Variants in VPS54 observed in about 807,000 individuals in gnomAD.
VPS54 encodes the protein VPS54 subunit of GARP complex.
Under a neutral mutation model 121.5 loss-of-function variants are expected in VPS54, and 45 were observed. The ratio of observed to expected loss-of-function variants is 0.37; its 90% confidence interval spans 0.29 to 0.47. The LOEUF is 0.47. VPS54 is among the 20% of genes least tolerant of loss of function. The pLI is 0.99. For synonymous variants in VPS54, 371 were observed against 385.8 expected, an observed-to-expected ratio of 0.96 and a Z score of 0.45; for missense variants, 1,090 against 1,131.4, an observed-to-expected ratio of 0.96 and a Z score of 0.52.
At chr2:63,983,574 C>CT (rs1676898457) in intron 2 of VPS54, among the ~76,000 whole-genome samples, 1 of 151,396 alleles carries the variant, frequency 6.6e-6, no homozygotes, top group South Asian at 2.1e-4. Flanking sequence ...TCCAGAGTAG[C>CT]TGAGACTACA....
chr2:63,996,140 G>C (rs1249077743), intron 1 of VPS54, among the ~76,000 whole-genome samples: 3 of 152,216 alleles, frequency 2.0e-5, no homozygotes, highest in Non-Finnish European at 1.5e-5. Flanking sequence ...GATGTTGCAG[G>C]AAGTCAGGGA....
chr2:63,917,565 G>C (rs182945673), intron 15 of VPS54, among the ~76,000 whole-genome samples: 2 of 152,062 alleles, frequency 1.3e-5, no homozygotes. Flanking sequence ...TTTTATCCTG[G>C]ACACGCCAAA....
chr2:63,921,708 C>G (rs1673655446), intron 12 of VPS54, among the ~76,000 whole-genome samples: 1 of 152,022 alleles, frequency 6.6e-6, no homozygotes, highest in Non-Finnish European at 1.5e-5. Flanking sequence ...TCAAATATCC[C>G]TGGCCTCAAG....
At chr2:63,990,265 C>T (rs140631112) in intron 1 of VPS54, among the ~76,000 whole-genome samples, 72 of 152,108 alleles carry the variant, frequency 4.7e-4, no homozygotes, top group African/African-American at 1.6e-3. Context: ...TTTGGCTTAA[C>T]GTTACCCCCT....
chr2:63,924,797 G>A (rs1018150506), intron 12 of VPS54, among the ~76,000 whole-genome samples: 7 of 152,176 alleles, frequency 4.6e-5, no homozygotes, highest in African/African-American at 1.7e-4. Context: ...TTTATGTCAA[G>A]AGTGACATTA....
At chr2:63,968,378 TTTTA>T (rs143322966) in intron 5 of VPS54, among the ~76,000 whole-genome samples, 23,632 of 151,498 alleles carry the variant, frequency 0.16, 2,345 homozygotes, top group Middle Eastern at 0.26. Context: ...TATACATCAT[TTTTA>T]TTTGTCAATT....
At chr2:63,914,808 C>T (rs1673304024) in intron 16 of VPS54, among the ~76,000 whole-genome samples, 1 of 151,562 alleles carries the variant, frequency 6.6e-6, no homozygotes, top group Non-Finnish European at 1.5e-5. Context: ...CTAAGGAAAA[C>T]ATGTCTCCTA....
chr2:63,951,227 C>A (rs1383797726), intron 7 of VPS54, among the ~76,000 whole-genome samples: 14 of 77,772 alleles, frequency 1.8e-4, no homozygotes, highest in African/African-American at 6.9e-4. Flanking sequence ...TTTTTTTTTA[C>A]AGTCATGGGC....
chr2:63,978,733 C>T lies in VPS54; in HGVS notation c.378+2913G>A, dbSNP rs796211977. On this transcript the variant is annotated intron_variant, in intron 3 of 22. Coordinates refer to ENST00000272322, the MANE Select transcript of VPS54 (RefSeq NM_016516.3). Reference sequence around the variant, plus strand: ...CTCCCAGGTTCATGGGATCCTTCTGCCTCAGCCTCCTGAGTAGCTGGGACT... The same window carrying T: ...CTCCCAGGTTCATGGGATCCTTCTGTCTCAGCCTCCTGAGTAGCTGGGACT... Among the ~76,000 whole-genome samples, 13 of 152,224 alleles carry T rather than the reference C, an allele frequency of 8.5e-5. 1 individual carries two copies. The highest frequency in any genetic ancestry group is 3.1e-4 in the African/African-American group (13 of 41,534).
chr2:63,989,607 T>C (rs183287745), intron 1 of VPS54, among the ~76,000 whole-genome samples: 2 of 152,336 alleles, frequency 1.3e-5, no homozygotes, highest in East Asian at 3.9e-4. Flanking sequence ...CGATTCCCTT[T>C]GGTAGGTGCG....
chr2:63,992,894 G>A (rs972255578), intron 1 of VPS54, among the ~76,000 whole-genome samples: 3 of 152,208 alleles, frequency 2.0e-5, no homozygotes, highest in Admixed American at 1.3e-4. Flanking sequence ...TCAAGAGCCT[G>A]CAGCTCATTA....
intron 11 of VPS54, among the ~76,000 whole-genome samples, chr2:63,937,291 C>T (rs1199329648): frequency 6.6e-6 from 1 of 151,948 alleles, no homozygotes; most frequent in Non-Finnish European, 1.5e-5. Flanking sequence ...AGAACTTCTA[C>T]AACTCAACAA....
Sources: allele counts gnomAD v4.1 joint callset (sites outside exome capture counted in the v4.1 genomes callset), GRCh38; gene constraint gnomAD v4.1.1; transcripts MANE v1.5; gene names NCBI Gene and HGNC (gene_info 2026-07-23, HGNC 2026-07-21).